SPIDR: variants seen among roughly 807,000 people sequenced by gnomAD.
The protein encoded by SPIDR is DNA repair-scaffolding protein.
In SPIDR, 93 loss-of-function variants were observed where a neutral mutation model predicts 104.6. The ratio of observed to expected loss-of-function variants is 0.89; its 90% CI spans 0.75 to 1.06. The LOEUF (loss-of-function observed/expected upper bound fraction) is 1.06. SPIDR is among the 50% of genes least tolerant of loss of function. The pLI, the probability that SPIDR is intolerant of heterozygous loss-of-function variation, is 0.00. For synonymous variants in SPIDR, 431 were observed against 416.9 expected (o/e 1.03, Z -0.41); for missense variants, 1,154 against 1,111.2 (o/e 1.04, Z -0.55).
At chr8:47,317,772 C>A (rs1275468255) in intron 5 of SPIDR, among the ~76,000 whole-genome samples, 1 of 152,098 alleles carries the variant, frequency 6.6e-6, no homozygotes, top group African/African-American at 2.4e-5. Context: ...AATCAGGCAG[C>A]AACATTTCCT....
chr8:47,330,992 C>G (rs1379090554), intron 5 of SPIDR: 3 of 319,494 alleles, frequency 9.4e-6, no homozygotes, highest in Non-Finnish European at 1.9e-5. Context: ...TCCTGTTGCT[C>G]CATATTCTTG....
chr8:47,477,697 G>C (rs1377600208), intron 8 of SPIDR, among the ~76,000 whole-genome samples: 1 of 152,168 alleles, frequency 6.6e-6, no homozygotes, highest in Admixed American at 6.5e-5. Flanking sequence ...AAGTGGCAGT[G>C]AGTTTAAAGT....
chr8:47,609,124 T>A (rs2063324717), intron 10 of SPIDR, among the ~76,000 whole-genome samples: 1 of 152,256 alleles, frequency 6.6e-6, no homozygotes, highest in Non-Finnish European at 1.5e-5. Flanking sequence ...TATTTTTTGT[T>A]GTTGAATTGT....
At chr8:47,535,165 C>T (rs1369155852) in intron 8 of SPIDR, among the ~76,000 whole-genome samples, 1 of 152,132 alleles carries the variant, frequency 6.6e-6, no homozygotes, top group African/African-American at 2.4e-5. Flanking sequence ...AAGCAGAAAG[C>T]ACTGCTGGGT....
chr8:47,319,079 A>G (rs1230594642), intron 5 of SPIDR, among the ~76,000 whole-genome samples: 4 of 152,024 alleles, frequency 2.6e-5, no homozygotes, highest in East Asian at 1.9e-4. Flanking sequence ...GACAGGATCA[A>G]ATTCACACAT....
chr8:47,711,187 A>C (rs2081834731), intron 14 of SPIDR, among the ~76,000 whole-genome samples: 1 of 152,204 alleles, frequency 6.6e-6, no homozygotes, highest in Non-Finnish European at 1.5e-5. Flanking sequence ...TCCTTTGGAC[A>C]CATGCCCGTC....
intron 6 of SPIDR, among the ~76,000 whole-genome samples, chr8:47,407,453 C>T (rs1456755348): frequency 6.6e-6 from 1 of 152,220 alleles, no homozygotes; most frequent in Non-Finnish European, 1.5e-5. Flanking sequence ...ACCTCCATGG[C>T]AGCACTCATA....
intron 10 of SPIDR, among the ~76,000 whole-genome samples, chr8:47,628,152 A>C (rs1256897954): frequency 6.6e-6 from 1 of 152,228 alleles, no homozygotes; most frequent in Non-Finnish European, 1.5e-5. Context: ...CTATTAAACT[A>C]GCCATCCTTC....
chr8:47,344,245 T>A (rs1254438862), intron 5 of SPIDR, among the ~76,000 whole-genome samples: 1 of 152,108 alleles, frequency 6.6e-6, no homozygotes, highest in African/African-American at 2.4e-5. Flanking sequence ...TGCGATAGTT[T>A]GTTCAGAATG....
intron 8 of SPIDR, among the ~76,000 whole-genome samples, chr8:47,546,117 C>T (rs2089320053): frequency 1.3e-5 from 2 of 152,074 alleles, no homozygotes; most frequent in Admixed American, 6.5e-5. Flanking sequence ...ATTCTAGGTT[C>T]ATAAAATGGA....
chr8:47,714,044 A>T (rs1055671360), intron 16 of SPIDR, among the ~76,000 whole-genome samples: 2 of 152,202 alleles, frequency 1.3e-5, no homozygotes, highest in Middle Eastern at 3.4e-3. Flanking sequence ...GGCATGAGAA[A>T]GTTGGTGAGC....
intron 10 of SPIDR, among the ~76,000 whole-genome samples, chr8:47,662,796 T>TG (rs1301156416): frequency 6.6e-6 from 1 of 152,086 alleles, no homozygotes; most frequent in Non-Finnish European, 1.5e-5. Flanking sequence ...TATTAGGGGG[T>TG]GGGGCCTTTG....
chr8:47,533,489 C>T (rs1484547531), intron 8 of SPIDR, among the ~76,000 whole-genome samples: 6 of 152,054 alleles, frequency 3.9e-5, no homozygotes, highest in Admixed American at 1.3e-4. Context: ...AAACAGCCTA[C>T]GGAGTGGGAG....
chr8:47,665,680 C>A (rs1160301171), intron 10 of SPIDR, among the ~76,000 whole-genome samples: 5 of 152,200 alleles, frequency 3.3e-5, no homozygotes, highest in Admixed American at 6.5e-5. Context: ...CTGCTAAATA[C>A]TGCTGATACA....
At chr8:47,273,744 C>A (rs2035808165) in intron 1 of SPIDR, among the ~76,000 whole-genome samples, 1 of 152,110 alleles carries the variant, frequency 6.6e-6, no homozygotes, top group African/African-American at 2.4e-5. Flanking sequence ...CAGGTTCATG[C>A]CACCACATCT....
intron 10 of SPIDR, among the ~76,000 whole-genome samples, chr8:47,638,656 T>A (rs1377091499): frequency 1.3e-5 from 2 of 152,234 alleles, no homozygotes; most frequent in Non-Finnish European, 1.5e-5. Flanking sequence ...TTCTTTCCTG[T>A]CGCTCATTTT....
rs149697103 is a variant in SPIDR at position 47,667,032 on chromosome 8, G to T, written c.1545-6769G>T. 1.9e-3 allele frequency among the ~76,000 whole-genome samples: 294 copies of T among 152,252 alleles called. 7 individuals are homozygous for T. In the East Asian group the frequency reaches 0.051, roughly 27 times the overall value. On this transcript the variant is annotated intron_variant, in intron 10 of 19. Transcript: ENST00000297423. ...GCAGTGGTTCACGCCTGTAATCCCAGCACTTTGGGAGGCCAAGGCAGGCAG... is the reference window on the plus strand; with the variant it reads ...GCAGTGGTTCACGCCTGTAATCCCATCACTTTGGGAGGCCAAGGCAGGCAG...
intron 5 of SPIDR, among the ~76,000 whole-genome samples, chr8:47,352,232 G>A (rs1342703578): frequency 1.3e-5 from 2 of 150,006 alleles, no homozygotes; most frequent in Non-Finnish European, 3.0e-5. Flanking sequence ...AGCCAAGATC[G>A]CGCTACTACA....
chr8:47,490,769 T>C (rs1460842483), intron 8 of SPIDR, among the ~76,000 whole-genome samples: 3 of 152,116 alleles, frequency 2.0e-5, no homozygotes, highest in Non-Finnish European at 4.4e-5. Context: ...CACCACATGT[T>C]CTCACTCATA....
Sources: allele counts gnomAD v4.1 joint callset (sites outside exome capture counted in the v4.1 genomes callset), GRCh38; gene constraint gnomAD v4.1.1; transcripts MANE v1.5; gene names NCBI Gene and HGNC (gene_info 2026-07-23, HGNC 2026-07-21).